Variants in ITPR2 observed in about 807,000 individuals in gnomAD.
The protein encoded by ITPR2 is inositol 1,4,5-trisphosphate-gated calcium channel ITPR2.
A neutral mutation model predicts 317.1 loss-of-function variants in ITPR2; 207 were observed. The observed-to-expected ratio is 0.65, with a 90% CI of 0.58 to 0.73. The LOEUF is 0.73. ITPR2 is among the 30% of genes least tolerant of loss of function. The pLI is 0.00. For missense variants in ITPR2, 2,613 were observed against 3,284.0 expected, an observed-to-expected ratio of 0.80 and a Z score of 4.99; for synonymous variants, 1,156 against 1,149.1, an observed-to-expected ratio of 1.01 and a Z score of -0.12.
At chr12:26,815,162 A>G (rs886916979) in intron 1 of ITPR2, among the ~76,000 whole-genome samples, 4 of 152,126 alleles carry the variant, frequency 2.6e-5, no homozygotes, top group African/African-American at 9.7e-5. Context: ...AACATGGTGA[A>G]ACCTCATCTC....
At chr12:26,495,317 G>T in intron 37 of ITPR2, 57 bp from the exon 38 acceptor site, 1 of 958,264 alleles carries the variant, frequency 1.0e-6, no homozygotes, top group Non-Finnish European at 1.6e-6. Context: ...AGTGAAAAAT[G>T]TCAGTATGTT....
chr12:26,688,995 T>C (rs1948182832), intron 10 of ITPR2, among the ~76,000 whole-genome samples: 1 of 152,212 alleles, frequency 6.6e-6, no homozygotes, highest in South Asian at 2.1e-4. Flanking sequence ...TTAGGTATTT[T>C]TATCACAAAA....
intron 56 of ITPR2, 57 bp from the exon 57 acceptor site, chr12:26,339,540 G>T (rs1938034954): frequency 1.5e-6 from 2 of 1,362,474 alleles, no homozygotes; most frequent in African/African-American, 1.4e-5. Flanking sequence ...ACCCAGTGCT[G>T]GTGGGCCACA....
At chr12:26,461,723 T>C (rs1942035505) in intron 45 of ITPR2, among the ~76,000 whole-genome samples, 1 of 147,178 alleles carries the variant, frequency 6.8e-6, no homozygotes, top group Admixed American at 6.7e-5. Context: ...CACACATACA[T>C]ATAAAGTTAC....
In ITPR2 at chr12:26,415,502, C is replaced by A; in HGVS notation, c.7111-4G>T. The A allele has an allele frequency of 3.9e-6, 6 of 1,522,150 alleles. No individual in the cohort carries two copies. Among genetic ancestry groups the A allele is most frequent in the South Asian group, 1.3e-5 (1 of 74,444 alleles). 94.3% of individuals were successfully genotyped at this position (1,522,150 alleles called of 1,614,324 possible). A position where few individuals can be genotyped will look rare whatever the true frequency, so the allele number is the denominator to read the frequency against. On this transcript the variant is annotated splice_polypyrimidine_tract_variant and splice_region_variant and intron_variant, in intron 50 of 56. Transcript: ENST00000381340. ...CCCTGTACACCAAATCAAAAAGCTA[C>A]AAAGATAAAGAAAACACTAATAAGA...
intron 1 of ITPR2, among the ~76,000 whole-genome samples, chr12:26,804,032 A>G (rs1565778585): frequency 6.6e-6 from 1 of 152,092 alleles, no homozygotes. Context: ...AAAAATAAAG[A>G]AATAATTTTA....
chr12:26,725,819 A>C, intron 2 of ITPR2, 54 bp from the exon 3 acceptor site: 1 of 1,184,488 alleles, frequency 8.4e-7, no homozygotes. Flanking sequence ...AGCATTTCTT[A>C]GATTTCCCTT....
intron 2 of ITPR2, among the ~76,000 whole-genome samples, chr12:26,755,874 T>C (rs557277697): frequency 1.3e-5 from 2 of 152,152 alleles, no homozygotes; most frequent in African/African-American, 2.4e-5. Flanking sequence ...AAGTAAAGAA[T>C]GTGACTTTCT....
rs1453099776 is a variant in ITPR2 at position 26,725,428 on chromosome 12, C to T, written c.279+222G>A. On this transcript the variant is annotated intron_variant, in intron 3 of 56. Coordinates refer to ENST00000381340, the MANE Select transcript of ITPR2 (RefSeq NM_002223.4). ...GATGGGAAGCTTTGAATTAGTCTGG[C>T]ACACCCTAAAAAACAGCAGCAGTAA... is the stretch of plus-strand genomic sequence containing the variant. 3.9e-5 allele frequency among the ~76,000 whole-genome samples: 6 copies of T among 152,152 alleles called. No homozygotes were observed. In the East Asian group the frequency reaches 1.2e-3, roughly 29 times the overall value.
chr12:26,657,868 G>T lies in ITPR2; in HGVS notation c.2031C>A (p.Asn677Lys). Residue 677 changes from asparagine to lysine, a missense_variant, in exon 18 of 57, where the codon AAC (asparagine) becomes AAA (lysine). Transcript: ENST00000381340. ...QTKVVSMQAD[N>K]PMESSILSDD... ...CTGAAAGGATGGAGCTCTCCATGGG[G>T]TTGTCTGCTTGCATTGAGACCACCC... The T allele has an allele frequency of 6.2e-7, 1 of 1,614,044 alleles. No individual in the cohort carries two copies.
At chr12:26,729,159 C>T (rs1948986770) in intron 2 of ITPR2, among the ~76,000 whole-genome samples, 1 of 152,010 alleles carries the variant, frequency 6.6e-6, no homozygotes, top group Admixed American at 6.6e-5. Flanking sequence ...AGGACATGAA[C>T]AGACACTTTT....
chr12:26,811,057 A>C (rs1950734489), intron 1 of ITPR2, among the ~76,000 whole-genome samples: 1 of 147,476 alleles, frequency 6.8e-6, no homozygotes, highest in Non-Finnish European at 1.5e-5. Context: ...AAAAAAAAAA[A>C]AAACAGAAAG....
In ITPR2 at chr12:26,597,014, G is replaced by A. The variant is rs1159767667; in HGVS notation, c.4123C>T (p.His1375Tyr). 6.2e-7 allele frequency: 1 copy of A among 1,613,944 alleles called. No homozygotes were observed. Among genetic ancestry groups the A allele is most frequent in the East Asian group, 2.2e-5 (1 of 44,872 alleles). ...RGDESGPLAY[H>Y]ITLVELLAAC... is the part of the protein sequence containing the mutation. ...GCCAGCAACTCCACCAGGGTGATGTGGTAGGCTAAGGGGCCACTCTCATCC... is the reference window on the plus strand; with the variant it reads ...GCCAGCAACTCCACCAGGGTGATGTAGTAGGCTAAGGGGCCACTCTCATCC... Residue 1375 changes from histidine to tyrosine, a missense_variant, in exon 31 of 57, where the codon CAC becomes TAC. His to Tyr is a moderately conservative substitution (Grantham distance 83). This residue lies in a region of ITPR2 where 817 missense variants were observed against 897.6 expected (regional missense o/e 0.91). Coordinates refer to ENST00000381340, the MANE Select transcript of ITPR2 (RefSeq NM_002223.4).
chr12:26,429,250 T>C (rs1941145139), intron 48 of ITPR2, among the ~76,000 whole-genome samples: 1 of 152,194 alleles, frequency 6.6e-6, no homozygotes, highest in Non-Finnish European at 1.5e-5. Context: ...TTTAGACATG[T>C]TTACTTTTGC....
At chr12:26,563,235 A>C (rs1359236481) in intron 34 of ITPR2, among the ~76,000 whole-genome samples, 2 of 152,208 alleles carry the variant, frequency 1.3e-5, no homozygotes, top group African/African-American at 2.4e-5. Flanking sequence ...TTGATAGAGA[A>C]GCAAAATGGA....
intron 10 of ITPR2, 80 bp downstream of exon 10, chr12:26,695,526 T>G: frequency 8.3e-7 from 1 of 1,210,590 alleles, no homozygotes; most frequent in Non-Finnish European, 1.2e-6. Flanking sequence ...TCTTCAAATT[T>G]GCTATTAAAA....
At chr12:26,830,029 G>A (rs1951075443) in intron 1 of ITPR2, among the ~76,000 whole-genome samples, 1 of 152,110 alleles carries the variant, frequency 6.6e-6, no homozygotes, top group South Asian at 2.1e-4. Context: ...TCAGCCTCCC[G>A]AGTAGCTGGG....
chr12:26,784,157 G>T (rs1950146143), intron 2 of ITPR2, among the ~76,000 whole-genome samples: 1 of 151,794 alleles, frequency 6.6e-6, no homozygotes, highest in African/African-American at 2.4e-5. Context: ...AAATAACAGG[G>T]GAAACAGAGT....
intron 55 of ITPR2, among the ~76,000 whole-genome samples, chr12:26,342,463 G>A (rs1447886721): frequency 1.4e-5 from 2 of 142,052 alleles, no homozygotes; most frequent in Non-Finnish European, 3.0e-5. Flanking sequence ...AGTTTTGGAA[G>A]TGGACCGAAT....
Sources: gnomAD v4.1 joint callset for allele counts (sites outside exome capture counted in the v4.1 genomes callset) on GRCh38, gnomAD v4.1.1 for gene constraint, gnomAD v4.1.1 regional missense constraint, MANE v1.5 for transcripts, NCBI Gene and HGNC (gene_info 2026-07-23, HGNC 2026-07-21) for gene names.